The following TRPM6 variants were observed in gnomAD, a reference collection of about 807,000 sequenced individuals.
The protein encoded by TRPM6 is transient receptor potential cation channel subfamily M member 6.
A neutral mutation model predicts 247.6 loss-of-function variants in TRPM6; 111 were observed. The observed-to-expected ratio is 0.45, with a 90% CI of 0.38 to 0.52. The LOEUF (loss-of-function observed/expected upper bound fraction) is 0.52, where lower values mean the gene tolerates loss of function less well. Among genes scored for constraint, TRPM6 ranks in the 20% least tolerant of loss-of-function variants. The probability of loss-of-function intolerance (pLI) is 0.00; values close to 1 mark genes in which losing one functional copy is unlikely to be tolerated. For synonymous variants in TRPM6, 892 were observed against 853.8 expected (o/e 1.04, Z -0.78); for missense variants, 2,126 against 2,421.5 (o/e 0.88, Z 2.56).
chr9:74,833,998 AT>A lies in TRPM6; in HGVS notation c.668del (p.Asp223ValfsTer41). On this transcript the variant is annotated frameshift_variant and splice_region_variant, in exon 6 of 39. Coordinates refer to ENST00000360774, the MANE Select transcript of TRPM6 (RefSeq NM_017662.5). LOFTEE classifies it high-confidence loss of function. ...TGTTATGAAAGGATTGTCTACTTACATCTTTTCCAATAAGGTCTCTCTGGTT... is the reference window on the plus strand; with the variant it reads ...TGTTATGAAAGGATTGTCTACTTACACTTTTCCAATAAGGTCTCTCTGGTT... ...IENQRDLIGK[D>X]VVCLYQTLDN... The A allele has an allele frequency of 6.2e-6, 10 of 1,614,034 alleles. No homozygotes were observed. The highest frequency in any genetic ancestry group is 8.5e-6 in the Non-Finnish European group (10 of 1,179,910).
chr9:74,750,437 T>A (rs989675681), intron 30 of TRPM6, among the ~76,000 whole-genome samples: 1 of 152,128 alleles, frequency 6.6e-6, no homozygotes, highest in Non-Finnish European at 1.5e-5. Context: ...GTTGTAGGAG[T>A]ATGTGTTTCG....
rs1419763718 is a variant in TRPM6, at chr9:74,771,696, C to T, written c.3536+7G>A. On this transcript the variant is annotated splice_region_variant and intron_variant, in intron 25 of 38. Coordinates refer to ENST00000360774, the MANE Select transcript of TRPM6 (RefSeq NM_017662.5). ...GTTTCAGAATGGAAAAGATTTATAT[C>T]TTTTACCTTTCTGATGTCACTCGGA... is the stretch of plus-strand genomic sequence containing the variant. 6.2e-7 allele frequency: 1 copy of T among 1,613,126 alleles called. No individual in the cohort carries two copies. Among genetic ancestry groups the T allele is most frequent in the East Asian group, 2.2e-5 (1 of 44,862 alleles).
At chr9:74,741,857 T>G (rs1193548171) in intron 33 of TRPM6, among the ~76,000 whole-genome samples, 1 of 151,268 alleles carries the variant, frequency 6.6e-6, no homozygotes, top group Non-Finnish European at 1.5e-5. Flanking sequence ...GCCATTGCAC[T>G]CCAGCCTGGG....
intron 1 of TRPM6, among the ~76,000 whole-genome samples, chr9:74,858,998 A>G (rs897884811): frequency 6.6e-6 from 1 of 152,228 alleles, no homozygotes; most frequent in East Asian, 1.9e-4. Flanking sequence ...CAAAAGCCCT[A>G]CATGAACAAA....
At chr9:74,786,177 C>A (rs754761583) in intron 20 of TRPM6, 52 bp from the exon 21 acceptor site, 3 of 1,596,182 alleles carry the variant, frequency 1.9e-6, no homozygotes, top group Middle Eastern at 3.4e-4. Flanking sequence ...CAAAGAATCC[C>A]ATCAATATGA....
chr9:74,859,039 T>A (rs1437138302), intron 1 of TRPM6, among the ~76,000 whole-genome samples: 2 of 152,208 alleles, frequency 1.3e-5, no homozygotes, highest in Admixed American at 6.5e-5. Flanking sequence ...ATGTAACTGA[T>A]ATATCCTCTT....
At chr9:74,740,860 T>A (rs975439681) in intron 33 of TRPM6, among the ~76,000 whole-genome samples, 1 of 152,150 alleles carries the variant, frequency 6.6e-6, no homozygotes, top group Admixed American at 6.5e-5. Context: ...CTTTATATCA[T>A]AAAAAAACTT....
rs773256711 is a variant in TRPM6 at position 74,732,746 on chromosome 9, A to C, written c.5777-10T>G. ...AAATTTTCTCCAACACCTCAAAAGA[A>C]GAAACAAAATTCGTTTAGCAAATGG... On this transcript the variant is annotated splice_polypyrimidine_tract_variant and intron_variant, in intron 36 of 38. Transcript: ENST00000360774. The C allele has an allele frequency of 3.7e-6, 6 of 1,605,930 alleles. 1 individual carries two copies. The South Asian group carries it at 6.7e-5, about 18-fold the overall frequency.
chr9:74,772,290 G>T (rs866861579), intron 24 of TRPM6, among the ~76,000 whole-genome samples: 1 of 152,084 alleles, frequency 6.6e-6, no homozygotes, highest in African/African-American at 2.4e-5. Context: ...AAAAGGAAAA[G>T]AAAAGAAAGA....
At chr9:74,853,365 C>T (rs1315124114) in intron 3 of TRPM6, among the ~76,000 whole-genome samples, 1 of 152,200 alleles carries the variant, frequency 6.6e-6, no homozygotes, top group Non-Finnish European at 1.5e-5. Context: ...GTGTACCCAA[C>T]AGCTCATTGA....
At chr9:74,870,310 A>G (rs1830980628) in intron 1 of TRPM6, among the ~76,000 whole-genome samples, 1 of 152,198 alleles carries the variant, frequency 6.6e-6, no homozygotes, top group African/African-American at 2.4e-5. Context: ...CTAATAAGCT[A>G]ATAACCTAAA....
chr9:74,819,781 C>A (rs1201558229), intron 9 of TRPM6, among the ~76,000 whole-genome samples: 1 of 152,098 alleles, frequency 6.6e-6, no homozygotes, highest in Non-Finnish European at 1.5e-5. Context: ...TCTGAAAATA[C>A]TTCTGTGTAA....
intron 1 of TRPM6, chr9:74,887,141 G>T: frequency 1.3e-6 from 1 of 770,512 alleles, no homozygotes; most frequent in Non-Finnish European, 1.8e-6. Flanking sequence ...TGCCAGCGGT[G>T]GAGAGGAGCC....
At chr9:74,843,672 G>A (rs11144112) in intron 3 of TRPM6, among the ~76,000 whole-genome samples, 24 of 151,490 alleles carry the variant, frequency 1.6e-4, no homozygotes, top group East Asian at 9.8e-4. Context: ...AAAATTAGCC[G>A]GGCATGGTGG....
rs539907504 is a variant in TRPM6, at chr9:74,737,391, A to T, written c.5776+1016T>A. 69 of 1,289,820 alleles carry T rather than the reference A, an allele frequency of 5.3e-5. No homozygotes were observed. The African/African-American group carries it at 9.9e-4, about 18-fold the overall frequency. The allele number at this position is 1,289,820 out of a possible 1,614,324, so 79.9% of individuals were successfully genotyped here. On this transcript the variant is annotated intron_variant, in intron 36 of 38. Coordinates refer to ENST00000360774, the MANE Select transcript of TRPM6 (RefSeq NM_017662.5). ...CATGATGCCCCAGGACTGTCTGCTT[A>T]TCTCTACATTCTCCAACCTCCAAGC...
chr9:74,761,698 G>A lies in TRPM6; in HGVS notation c.4783C>T (p.Pro1595Ser), dbSNP rs148912866. Residue 1595 changes from proline (P) to serine (S), a missense_variant and splice_region_variant, in exon 27 of 39, where the codon CCA (proline) becomes TCA (serine). By Grantham distance (74) the Pro-to-Ser change is moderately conservative. Transcript: ENST00000360774. Reference protein sequence around the residue: ...KKKNTQGLQVPIITVNACSQS... With the variant: ...KKKNTQGLQVSIITVNACSQS... ...AGACAGAATAACAGTACACTTACTG[G>A]CACCTGGAGTCCTTGAGTATTCTTC... The A allele has an allele frequency of 8.8e-6, 14 of 1,589,304 alleles. No homozygotes were observed. Among genetic ancestry groups the A allele is most frequent in the Admixed American group, 1.7e-5 (1 of 59,964 alleles).
At chr9:74,863,899 T>A (rs11144121) in intron 1 of TRPM6, among the ~76,000 whole-genome samples, 36,792 of 150,730 alleles carry the variant, frequency 0.24, 5,282 homozygotes, top group Middle Eastern at 0.43. Context: ...TTTTTTTTTT[T>A]AAAAAAACAT....
chr9:74,874,696 G>GTTTTTC (rs560864923), intron 1 of TRPM6, among the ~76,000 whole-genome samples: 1 of 151,516 alleles, frequency 6.6e-6, no homozygotes, highest in Non-Finnish European at 1.5e-5. Flanking sequence ...AAGCAAAGCA[G>GTTTTTC]TTTTTCTTTT....
chr9:74,836,290 T>C (rs1386477836), intron 5 of TRPM6, among the ~76,000 whole-genome samples: 2 of 152,226 alleles, frequency 1.3e-5, no homozygotes, highest in East Asian at 1.9e-4. Flanking sequence ...AGACTTATTC[T>C]TCCTATTCTT....
Sources: gnomAD v4.1 joint callset for allele counts (sites outside exome capture counted in the v4.1 genomes callset) on GRCh38, gnomAD v4.1.1 for gene constraint, MANE v1.5 for transcripts, NCBI Gene and HGNC (gene_info 2026-07-23, HGNC 2026-07-21) for gene names.